The following SAMD4B variants were observed in gnomAD, a reference collection of about 807,000 sequenced individuals.
The protein encoded by SAMD4B is sterile alpha motif domain containing 4B.
In SAMD4B, 5 loss-of-function variants were observed where a neutral mutation model predicts 74.5. That is an observed-to-expected ratio of 0.07 (90% CI 0.04 to 0.14). SAMD4B has a LOEUF of 0.14. Among genes scored for constraint, SAMD4B ranks in the 10% least tolerant of loss-of-function variants. The probability of loss-of-function intolerance (pLI) is 1.00; values close to 1 mark genes in which losing one functional copy is unlikely to be tolerated. For missense variants in SAMD4B, 608 were observed against 921.8 expected (o/e 0.66, Z 4.41); for synonymous variants, 373 against 374.9 (o/e 1.00, Z 0.06).
At chr19:39,345,434 C>T (rs1442689608) in intron 1 of SAMD4B, among the ~76,000 whole-genome samples, 1 of 152,192 alleles carries the variant, frequency 6.6e-6, no homozygotes, top group Non-Finnish European at 1.5e-5. Context: ...CCCTCCAGCC[C>T]ACTACCAGCC....
intron 1 of SAMD4B, among the ~76,000 whole-genome samples, chr19:39,347,411 G>A (rs1474238248): frequency 2.0e-5 from 3 of 152,322 alleles, no homozygotes; most frequent in African/African-American, 7.2e-5. Context: ...GGCTTGCTGA[G>A]CCAAATAGGC....
At chr19:39,387,101 C>T (rs898034225), downstream of SAMD4B, 2 of 492,920 alleles carry the variant, frequency 4.1e-6, no homozygotes, top group African/African-American at 3.9e-5. Context: ...AGATATACAT[C>T]ATGTGAACAT....
intron 3 of SAMD4B, among the ~76,000 whole-genome samples, chr19:39,363,131 G>A (rs897436341): frequency 6.6e-6 from 1 of 152,198 alleles, no homozygotes; most frequent in African/African-American, 2.4e-5. Context: ...AGTCTCGATT[G>A]GTGCCTGTAA....
chr19:39,379,748 T>C (rs939379121), intron 9 of SAMD4B, among the ~76,000 whole-genome samples: 6 of 152,168 alleles, frequency 3.9e-5, no homozygotes, highest in African/African-American at 1.4e-4. Context: ...TTTTTGTACT[T>C]TTAGTAGAGG....
downstream of SAMD4B, chr19:39,388,776 A>G (rs775883035): frequency 6.8e-6 from 11 of 1,613,876 alleles, no homozygotes; most frequent in African/African-American, 1.1e-4. Context: ...TCATGGCCTG[A>G]GACATCATCT....
At chr19:39,380,453 C>A in intron 10 of SAMD4B, 134 bp from the exon 11 acceptor site, 1 of 918,464 alleles carries the variant, frequency 1.1e-6, no homozygotes, top group Non-Finnish European at 1.7e-6. Flanking sequence ...ACCCTTGGGG[C>A]AGATGAGGAC....
downstream of SAMD4B, chr19:39,388,723 A>G: frequency 6.2e-7 from 1 of 1,606,716 alleles, no homozygotes; most frequent in Non-Finnish European, 8.5e-7. Flanking sequence ...GACAAGAGGC[A>G]GCAAGGAGCA....
rs1172094087 is a variant in SAMD4B at position 39,356,891 on chromosome 19, A to C, written c.-3A>C. 1.2e-6 allele frequency: 2 copies of C among 1,603,906 alleles called. No individual in the cohort carries two copies. The highest frequency in any genetic ancestry group is 1.7e-6 in the Non-Finnish European group (2 of 1,172,984). On this transcript the variant is annotated 5_prime_UTR_variant, in exon 3 of 14. Coordinates refer to ENST00000610417, the MANE Select transcript of SAMD4B (RefSeq NM_001384574.2). ...CCCCGACCCTGGCCCCAGGCCCGGC[A>C]CCATGATGTTCCGAGACCAGGTGGG...
At chr19:39,369,301 G>C (rs1293125296) in intron 3 of SAMD4B, 2 of 312,614 alleles carry the variant, frequency 6.4e-6, no homozygotes, top group Non-Finnish European at 1.2e-5. Context: ...TCCTAGGAGT[G>C]GGGGACCACC....
chr19:39,355,173 T>G (rs2076273810), intron 2 of SAMD4B, among the ~76,000 whole-genome samples: 1 of 152,180 alleles, frequency 6.6e-6, no homozygotes. Flanking sequence ...ATGCTTGACC[T>G]TATTTAGATT....
intron 1 of SAMD4B, among the ~76,000 whole-genome samples, chr19:39,353,576 AC>A (rs1568345881): frequency 6.6e-6 from 1 of 152,074 alleles, no homozygotes; most frequent in East Asian, 1.9e-4. Context: ...TACAGATCAA[AC>A]ATTGTATATA....
chr19:39,389,399 A>G (rs1263166457), downstream of SAMD4B: 8 of 1,613,246 alleles, frequency 5.0e-6, no homozygotes, highest in Non-Finnish European at 6.8e-6. The surrounding 1 kb of genome is among the most constrained non-coding windows in gnomAD (Gnocchi z 5.3). Context: ...GTGGGAAATC[A>G]GGTATCTCAG....
At position 39,378,469 on chromosome 19, in the gene SAMD4B, G is replaced by C; in HGVS notation, c.1445-35G>C. ...TGGAACATGGCAGAGGGCATACTAG[G>C]GGTTAACCTCCTGCCCTTTCTCATG... is the stretch of plus-strand genomic sequence containing the variant. On this transcript the variant is annotated intron_variant, in intron 8 of 13. Coordinates refer to ENST00000610417, the MANE Select transcript of SAMD4B (RefSeq NM_001384574.2). The surrounding 1 kb of genome is among the most constrained non-coding windows in gnomAD (Gnocchi z 4.4). 1 of 1,592,400 alleles carries C rather than the reference G, an allele frequency of 6.3e-7. No individual in the cohort carries two copies. The highest frequency in any genetic ancestry group is 1.1e-5 in the South Asian group (1 of 90,632).
chr19:39,388,232 C>T, downstream of SAMD4B: 1 of 1,059,062 alleles, frequency 9.4e-7, no homozygotes, highest in Non-Finnish European at 1.4e-6. Flanking sequence ...TTTACCAATG[C>T]ATATGACAAA....
chr19:39,357,167 C>T, intron 3 of SAMD4B, 78 bp downstream of exon 3: 1 of 1,324,592 alleles, frequency 7.5e-7, no homozygotes, highest in Non-Finnish European at 1.0e-6. Context: ...AGAAGGTCAA[C>T]CCAACAATGG....
In SAMD4B at chr19:39,383,439, CTTT is replaced by C. The variant is rs2078124331; in HGVS notation, c.2057-58_2057-56del. On this transcript the variant is annotated intron_variant, in intron 13 of 13. Transcript: ENST00000610417. The surrounding 1 kb of genome is among the most constrained non-coding windows in gnomAD (Gnocchi z 4.1). ...CTGGGATGACAGGCTACCTGAGTGC[CTTT>C]TCTTGGGCCTCCCTCCAGCTCCTGA... is the stretch of plus-strand genomic sequence containing the variant. 1 of 1,601,622 alleles carries C rather than the reference CTTT, an allele frequency of 6.2e-7. No individual in the cohort carries two copies. The highest frequency in any genetic ancestry group is 1.3e-5 in the African/African-American group (1 of 74,622).
intron 1 of SAMD4B, among the ~76,000 whole-genome samples, chr19:39,343,323 C>T (rs1166378439): frequency 2.0e-5 from 3 of 150,256 alleles, no homozygotes; most frequent in Admixed American, 6.6e-5. Flanking sequence ...TTCTGATTCC[C>T]CCTCCCAGAA....
Position 39,383,257 on chromosome 19 carries a change from T to G in SAMD4B, c.2022T>G (p.Ser674=). Residue 674 remains serine (S), a synonymous_variant, in exon 13 of 14, where the codon TCT becomes TCG. Transcript: ENST00000610417. The surrounding 1 kb of genome is among the most constrained non-coding windows in gnomAD (Gnocchi z 4.1). ...TGGAGATCAATCCCACTCTGGAGTC[T>G]CTGTGTCTGAGCATGACAGAACACG... ...PDLEINPTLE[S]LCLSMTEHAL... 6.2e-7 allele frequency: 1 copy of G among 1,614,132 alleles called. No individual in the cohort carries two copies. The highest frequency in any genetic ancestry group is 8.5e-7 in the Non-Finnish European group (1 of 1,179,984).
Position 39,356,852 on chromosome 19 carries a change from T to TCGCCACCGCCGTCCCCCGACCCTGGCCCC in SAMD4B, c.-41_-13dup. ...CGGGACCATGTGACGGCGCTGGCCC[T>TCGCCACCGCCGTCCCCCGACCCTGGCCCC]CGCCACCGCCGTCCCCCGACCCTGG... is the stretch of plus-strand genomic sequence containing the variant. On this transcript the variant is annotated 5_prime_UTR_variant, in exon 3 of 14. Transcript: ENST00000610417. 1 of 1,540,962 alleles carries TCGCCACCGCCGTCCCCCGACCCTGGCCCC rather than the reference T, an allele frequency of 6.5e-7. No homozygotes were observed. The highest frequency in any genetic ancestry group is 8.8e-7 in the Non-Finnish European group (1 of 1,132,094).
Sources: allele counts gnomAD v4.1 joint callset (sites outside exome capture counted in the v4.1 genomes callset), GRCh38; gene constraint gnomAD v4.1.1; non-coding constraint Gnocchi (gnomAD v3.1); transcripts MANE v1.5; gene names NCBI Gene and HGNC (gene_info 2026-07-23, HGNC 2026-07-21).